MDGA2: variants seen among roughly 807,000 people sequenced by gnomAD.
The protein encoded by MDGA2 is MAM domain-containing glycosylphosphatidylinositol anchor protein 2.
MDGA2 carries 40 observed loss-of-function variants against 117.8 expected under a neutral mutation model. The ratio of observed to expected loss-of-function variants is 0.34; its 90% CI spans 0.26 to 0.44. The LOEUF is 0.44. Ranked by LOEUF, MDGA2 falls within the 20% of genes least tolerant of loss-of-function variation. MDGA2 has a pLI of 1.00. For missense variants in MDGA2, 1,123 were observed against 1,250.6 expected, an observed-to-expected ratio of 0.90 and a Z score of 1.54; for synonymous variants, 452 against 439.0, an observed-to-expected ratio of 1.03 and a Z score of -0.37.
chr14:47,077,806 G>C (rs757784985), intron 6 of MDGA2, among the ~76,000 whole-genome samples: 1 of 151,882 alleles, frequency 6.6e-6, no homozygotes, highest in African/African-American at 2.4e-5. Flanking sequence ...GGAAAACATG[G>C]TCAATTATAA....
intron 1 of MDGA2, among the ~76,000 whole-genome samples, chr14:47,524,091 T>C (rs1894924090): frequency 6.6e-6 from 1 of 152,158 alleles, no homozygotes; most frequent in Non-Finnish European, 1.5e-5. Flanking sequence ...TTCTACTAGA[T>C]GATAGTTTTT....
intron 1 of MDGA2, among the ~76,000 whole-genome samples, chr14:47,510,659 G>T (rs1894619958): frequency 1.3e-5 from 2 of 152,174 alleles, no homozygotes; most frequent in Admixed American, 1.3e-4. Flanking sequence ...TCACCTAGGT[G>T]ATATAAGGAT....
At chr14:47,082,145 A>G (rs1371751182) in intron 6 of MDGA2, among the ~76,000 whole-genome samples, 1 of 152,234 alleles carries the variant, frequency 6.6e-6, no homozygotes. Context: ...CTGTCTCACT[A>G]CAAATATATT....
At chr14:47,014,653 A>C (rs544362138) in intron 8 of MDGA2, among the ~76,000 whole-genome samples, 2 of 152,302 alleles carry the variant, frequency 1.3e-5, no homozygotes, top group African/African-American at 2.4e-5. Flanking sequence ...GTTCTTCTGC[A>C]GTTTCTTCAC....
chr14:47,510,448 A>C (rs2138691946), intron 1 of MDGA2, among the ~76,000 whole-genome samples: 1 of 152,326 alleles, frequency 6.6e-6, no homozygotes, highest in East Asian at 1.9e-4. Flanking sequence ...AGCCCTTTTA[A>C]GCAATTCTAC....
intron 1 of MDGA2, among the ~76,000 whole-genome samples, chr14:47,419,823 AT>A (rs1892542850): frequency 6.6e-6 from 1 of 152,044 alleles, no homozygotes; most frequent in African/African-American, 2.4e-5. Context: ...TAAGTGGACC[AT>A]TTTTCTTGTG....
intron 1 of MDGA2, among the ~76,000 whole-genome samples, chr14:47,595,239 A>G (rs1355755628): frequency 1.1e-5 from 1 of 88,660 alleles, no homozygotes; most frequent in East Asian, 2.3e-4. Context: ...AGCATTAGAG[A>G]AAAAAAAAAA....
rs1481944367 is a variant in MDGA2 at position 47,131,738 on chromosome 14, A to G, written c.901T>C (p.Ser301Pro). 6.3e-7 allele frequency: 1 copy of G among 1,579,038 alleles called. No individual in the cohort carries two copies. The highest frequency in any genetic ancestry group is 1.3e-5 in the African/African-American group (1 of 74,578). Residue 301 changes from serine to proline, a missense_variant, in exon 5 of 17, where the codon TCG becomes CCG. Physicochemically the swap from Ser to Pro is moderately conservative, Grantham distance 74 (BLOSUM62 -1). This residue lies in a region of MDGA2 where 890 missense variants were observed against 1,050.3 expected (regional missense o/e 0.85). Transcript: ENST00000399232. ...NVCNIPDKMV[S>P]FRLSNKTASP... is the part of the protein sequence containing the mutation. ...CCTGTTTTATTGGACAGTCTAAACG[A>G]CACCATCTTATCAGGAATATTACAT...
intron 9 of MDGA2, among the ~76,000 whole-genome samples, chr14:46,948,379 G>A (rs750447821): frequency 2.6e-5 from 4 of 151,924 alleles, no homozygotes; most frequent in Admixed American, 6.6e-5. Context: ...TGTTCCTTAG[G>A]TAAAGGGAAG....
intron 2 of MDGA2, among the ~76,000 whole-genome samples, chr14:47,263,858 T>C (rs773617093): frequency 6.6e-6 from 1 of 152,088 alleles, no homozygotes; most frequent in Non-Finnish European, 1.5e-5. Context: ...ACCATTTTCA[T>C]AAAGAAAAAT....
At chr14:47,026,475 G>C (rs1193463596) in intron 8 of MDGA2, among the ~76,000 whole-genome samples, 1 of 151,988 alleles carries the variant, frequency 6.6e-6, no homozygotes, top group Non-Finnish European at 1.5e-5. Flanking sequence ...TAATTTGATA[G>C]CACTTTATAT....
chr14:46,926,841 A>G (rs1237828887), intron 9 of MDGA2, among the ~76,000 whole-genome samples: 1 of 152,178 alleles, frequency 6.6e-6, no homozygotes, highest in Non-Finnish European at 1.5e-5. Context: ...TAGGCAGGAA[A>G]CTAGTAAAAA....
chr14:47,186,372 G>GA (rs1884911177), intron 3 of MDGA2, among the ~76,000 whole-genome samples: 1 of 151,458 alleles, frequency 6.6e-6, no homozygotes. Flanking sequence ...AGACAAACTT[G>GA]AAAAAAGAGT....
At chr14:47,510,715 T>G (rs1016534100) in intron 1 of MDGA2, among the ~76,000 whole-genome samples, 1 of 152,198 alleles carries the variant, frequency 6.6e-6, no homozygotes, top group Non-Finnish European at 1.5e-5. Flanking sequence ...TACAATAAAA[T>G]CCAAACTGCT....
At chr14:47,332,250 C>T (rs1012976914) in intron 1 of MDGA2, among the ~76,000 whole-genome samples, 20 of 152,114 alleles carry the variant, frequency 1.3e-4, no homozygotes, top group African/African-American at 4.3e-4. Flanking sequence ...TTCCCTCAAG[C>T]TCTCAAATTC....
chr14:47,545,259 T>C (rs138075708), intron 1 of MDGA2, among the ~76,000 whole-genome samples: 3 of 152,288 alleles, frequency 2.0e-5, no homozygotes, highest in African/African-American at 7.2e-5. Context: ...AAATCCTAAA[T>C]GCATTTAAGT....
intron 1 of MDGA2, among the ~76,000 whole-genome samples, chr14:47,366,960 T>C (rs1402491750): frequency 1.3e-5 from 2 of 150,566 alleles, no homozygotes; most frequent in Admixed American, 6.7e-5. Context: ...TATGTGAAAA[T>C]AAAAAGTAAT....
At chr14:47,261,049 A>G (rs1361461567) in intron 2 of MDGA2, among the ~76,000 whole-genome samples, 2 of 152,094 alleles carry the variant, frequency 1.3e-5, no homozygotes, top group African/African-American at 2.4e-5. Context: ...AAATTACCTC[A>G]ATGTCATATC....
At chr14:47,660,431 G>A (rs926515108) in intron 1 of MDGA2, among the ~76,000 whole-genome samples, 1 of 152,146 alleles carries the variant, frequency 6.6e-6, no homozygotes. Context: ...CTTTTATAGT[G>A]GTAAATACTG....
Sources: gnomAD v4.1 joint callset for allele counts (sites outside exome capture counted in the v4.1 genomes callset) on GRCh38, gnomAD v4.1.1 for gene constraint, gnomAD v4.1.1 regional missense constraint, MANE v1.5 for transcripts, NCBI Gene and HGNC (gene_info 2026-07-23, HGNC 2026-07-21) for gene names.